The following PPP2R2C variants were observed in gnomAD, a reference collection of about 807,000 sequenced individuals.
The protein encoded by PPP2R2C is protein phosphatase 2, regulatory subunit B, gamma.
A neutral mutation model predicts 45.3 loss-of-function variants in PPP2R2C; 10 were observed. The ratio of observed to expected loss-of-function variants is 0.22; its 90% CI spans 0.14 to 0.37. The LOEUF is 0.37. Among genes scored for constraint, PPP2R2C ranks in the 10% least tolerant of loss-of-function variants. The pLI, the probability that PPP2R2C is intolerant of heterozygous loss-of-function variation, is 1.00. For synonymous variants in PPP2R2C, 257 were observed against 245.4 expected (o/e 1.05, Z -0.44); for missense variants, 308 against 619.7 (o/e 0.50, Z 5.34).
chr4:6,481,362 A>G (rs1722341412), intron 2 of PPP2R2C, among the ~76,000 whole-genome samples: 1 of 152,226 alleles, frequency 6.6e-6, no homozygotes, highest in Non-Finnish European at 1.5e-5. Context: ...ATCAAATTAC[A>G]TACTTTTTCC....
At chr4:6,477,554 A>G (rs1404789723), upstream of PPP2R2C, among the ~76,000 whole-genome samples, 2 of 151,642 alleles carry the variant, frequency 1.3e-5, no homozygotes, top group Admixed American at 6.6e-5. Flanking sequence ...GTGAAACCCC[A>G]TCTCTACTAA....
At chr4:6,394,645 G>A (rs541493168) in intron 1 of PPP2R2C, among the ~76,000 whole-genome samples, 4 of 149,726 alleles carry the variant, frequency 2.7e-5, no homozygotes, top group Admixed American at 2.0e-4. Context: ...ATCCCAGGAT[G>A]GGGGGCATGG....
intron 1 of PPP2R2C, among the ~76,000 whole-genome samples, chr4:6,460,335 A>G (rs535374732): frequency 6.6e-6 from 1 of 152,328 alleles, no homozygotes; most frequent in African/African-American, 2.4e-5. Context: ...CCATGTGAAG[A>G]CACAGTAGGG....
chr4:6,342,920 C>T (rs1733566509), intron 6 of PPP2R2C, among the ~76,000 whole-genome samples: 1 of 151,962 alleles, frequency 6.6e-6, no homozygotes, highest in African/African-American at 2.4e-5. Context: ...GCTCACCTTC[C>T]TGCATCCAGG....
chr4:6,448,884 G>A (rs1374627715), intron 1 of PPP2R2C, among the ~76,000 whole-genome samples: 3 of 152,200 alleles, frequency 2.0e-5, no homozygotes, highest in Non-Finnish European at 4.4e-5. Flanking sequence ...TCCGGGCGGG[G>A]GCTGACCCCA....
chr4:6,562,328 C>T (rs974230262), intron 1 of PPP2R2C, among the ~76,000 whole-genome samples: 1 of 152,174 alleles, frequency 6.6e-6, no homozygotes, highest in African/African-American at 2.4e-5. Flanking sequence ...ACAGTGTGAG[C>T]ACATGCCAAA....
intron 6 of PPP2R2C, among the ~76,000 whole-genome samples, chr4:6,334,769 C>T (rs1037641047): frequency 3.3e-5 from 5 of 152,176 alleles, no homozygotes; most frequent in African/African-American, 1.2e-4. Flanking sequence ...CCATGGAAAC[C>T]GGCTGAGTGG....
At chr4:6,397,501 G>A (rs1206381829) in intron 1 of PPP2R2C, among the ~76,000 whole-genome samples, 3 of 96,008 alleles carry the variant, frequency 3.1e-5, no homozygotes, top group African/African-American at 1.0e-4. Context: ...TTTGGGACAG[G>A]ATAAACAGAA....
intron 2 of PPP2R2C, among the ~76,000 whole-genome samples, chr4:6,488,598 G>A (rs1722601146): frequency 6.6e-6 from 1 of 152,076 alleles, no homozygotes; most frequent in African/African-American, 2.4e-5. Flanking sequence ...GCAGGAGGAT[G>A]GCTTGAACTT....
At chr4:6,338,605 G>A (rs1733183918) in intron 6 of PPP2R2C, among the ~76,000 whole-genome samples, 1 of 152,128 alleles carries the variant, frequency 6.6e-6, no homozygotes, top group South Asian at 2.1e-4. Flanking sequence ...ACAGGATCAA[G>A]GTTTAGGCTC....
At chr4:6,412,171 T>A (rs1432764606) in intron 1 of PPP2R2C, among the ~76,000 whole-genome samples, 1 of 152,230 alleles carries the variant, frequency 6.6e-6, no homozygotes, top group Non-Finnish European at 1.5e-5. Context: ...TCAGTTTTGA[T>A]GGCATCATAA....
rs138713780 is a variant in PPP2R2C at position 6,484,468 on chromosome 4, C to T, written c.49+50803G>A. 5.9e-3 allele frequency among the ~76,000 whole-genome samples: 886 copies of T among 151,422 alleles called. 12 individuals are homozygous for T. Among genetic ancestry groups the T allele is most frequent in the African/African-American group, 0.019 (805 of 41,334 alleles). Reference sequence around the variant, plus strand: ...CAAAGTTGTTTTGGCTATCCTAGGTCCTTTGTATTTCTATATGAATTTTAG... The same window carrying T: ...CAAAGTTGTTTTGGCTATCCTAGGTTCTTTGTATTTCTATATGAATTTTAG... On this transcript the variant is annotated intron_variant, in intron 2 of 9. Coordinates refer to the PPP2R2C transcript ENST00000506140.
chr4:6,446,946 C>T (rs1246708926), intron 1 of PPP2R2C, among the ~76,000 whole-genome samples: 2 of 151,398 alleles, frequency 1.3e-5, no homozygotes, highest in African/African-American at 4.9e-5. Context: ...GCAACAGAGG[C>T]GAAGGGGTGC....
At chr4:6,376,826 C>G (rs955017225) in intron 3 of PPP2R2C, among the ~76,000 whole-genome samples, 1 of 152,184 alleles carries the variant, frequency 6.6e-6, no homozygotes, top group Admixed American at 6.5e-5. Context: ...TCCCCCAGGG[C>G]CTGCCCTTCG....
chr4:6,402,330 G>A (rs879301287), intron 1 of PPP2R2C, among the ~76,000 whole-genome samples: 2 of 152,134 alleles, frequency 1.3e-5, no homozygotes, highest in Non-Finnish European at 2.9e-5. Context: ...TCCCCAAATC[G>A]AACAGTAGCT....
intron 7 of PPP2R2C, among the ~76,000 whole-genome samples, chr4:6,333,192 A>C (rs1239810967): frequency 2.0e-5 from 3 of 152,158 alleles, no homozygotes; most frequent in Non-Finnish European, 4.4e-5. Flanking sequence ...AACCCTCTTT[A>C]ATGGTACAGC....
intron 5 of PPP2R2C, among the ~76,000 whole-genome samples, chr4:6,356,219 C>A (rs977343383): frequency 2.0e-5 from 3 of 152,140 alleles, no homozygotes; most frequent in Non-Finnish European, 2.9e-5. Flanking sequence ...CTGTTTATAT[C>A]CCCCAAACCC....
intron 5 of PPP2R2C, among the ~76,000 whole-genome samples, chr4:6,355,867 A>G (rs55862859): frequency 0.11 from 16,478 of 151,628 alleles, 2,719 homozygotes; most frequent in African/African-American, 0.36. Flanking sequence ...GGTAGTGGGC[A>G]CCTGTAATCC....
chr4:6,549,252 G>A (rs1043207020), intron 1 of PPP2R2C, among the ~76,000 whole-genome samples: 13 of 152,168 alleles, frequency 8.5e-5, no homozygotes, highest in South Asian at 2.1e-4. Flanking sequence ...ATTGGACCAC[G>A]TCGTTTTTCC....
Sources: allele counts gnomAD v4.1 joint callset (sites outside exome capture counted in the v4.1 genomes callset), GRCh38; gene constraint gnomAD v4.1.1; transcripts MANE v1.5; gene names NCBI Gene and HGNC (gene_info 2026-07-23, HGNC 2026-07-21).